Variants in LRRC55 observed in about 807,000 individuals in gnomAD.
LRRC55 encodes leucine-rich repeat-containing protein 55.
A neutral mutation model predicts 20.5 loss-of-function variants in LRRC55; 11 were observed. The observed-to-expected ratio is 0.54, with a 90% CI of 0.34 to 0.89. The LOEUF (loss-of-function observed/expected upper bound fraction) is 0.89, where lower values mean the gene tolerates loss of function less well. Among genes scored for constraint, LRRC55 ranks in the 40% least tolerant of loss-of-function variants. The pLI, the probability that LRRC55 is intolerant of heterozygous loss-of-function variation, is 0.02. For synonymous variants in LRRC55, 188 were observed against 166.6 expected, an observed-to-expected ratio of 1.13 and a Z score of -0.99; for missense variants, 358 against 390.9, an observed-to-expected ratio of 0.92 and a Z score of 0.71.
chr11:57,185,840 G>A (rs951749351), intron 1 of LRRC55, among the ~76,000 whole-genome samples: 1 of 151,924 alleles, frequency 6.6e-6, no homozygotes, highest in Non-Finnish European at 1.5e-5. Flanking sequence ...GACCCCAGAA[G>A]AATGAGATGA....
chr11:57,186,914 G>T (rs1565180620), intron 1 of LRRC55, among the ~76,000 whole-genome samples: 1 of 152,216 alleles, frequency 6.6e-6, no homozygotes. Context: ...CCTGCAGGCT[G>T]AGGACAGACA....
chr11:57,182,691 A>AG lies in LRRC55; in HGVS notation c.661+12dup, dbSNP rs751068725. 4 of 1,488,100 alleles carry AG rather than the reference A, an allele frequency of 2.7e-6. No homozygotes were observed. Among genetic ancestry groups the AG allele is most frequent in the South Asian group, 1.5e-5 (1 of 67,182 alleles). 92.2% of individuals were successfully genotyped at this position (1,488,100 alleles called of 1,614,324 possible). ...TCCAGCGCTGTACAGCAGGTAATAG[A>AG]GGGGCAGAACGGGGCAGTCAACAGG... is the stretch of plus-strand genomic sequence containing the variant. On this transcript the variant is annotated intron_variant, in intron 1 of 1. Transcript: ENST00000497933.
In LRRC55 at chr11:57,182,248, C is replaced by T. The variant is rs575568934; in HGVS notation, c.226C>T (p.Arg76Cys). The change falls in exon 1 of 2, where the codon CGC (arginine) becomes TGC (cysteine). Residue 76 changes from arginine to cysteine, a missense_variant. By Grantham distance (180) the Arg-to-Cys change is radical. Coordinates refer to ENST00000497933, the MANE Select transcript of LRRC55 (RefSeq NM_001005210.4). ...CCGAAACCTCAGCCTGGCCCACAAC[C>T]GCATCACAGCAGTGCCGCCTGGCTA... ...DTRNLSLAHN[R>C]ITAVPPGYLT... The T allele has an allele frequency of 2.2e-5, 36 of 1,614,200 alleles. No individual in the cohort carries two copies. The highest frequency in any genetic ancestry group is 2.7e-5 in the Non-Finnish European group (32 of 1,180,030).
At position 57,182,022 on chromosome 11, in the gene LRRC55, G is replaced by C. The variant is rs756474995; in HGVS notation, c.-1G>C. The C allele has an allele frequency of 6.2e-7, 1 of 1,614,174 alleles. No individual in the cohort carries two copies. The highest frequency in any genetic ancestry group is 1.1e-5 in the South Asian group (1 of 91,086). ...AGCACTGCTGTTGCCTGCTGCCTAAGATGGGTGACACTTGGGCCCAGCTTC... is the reference window on the plus strand; with the variant it reads ...AGCACTGCTGTTGCCTGCTGCCTAACATGGGTGACACTTGGGCCCAGCTTC... On this transcript the variant is annotated 5_prime_UTR_variant, in exon 1 of 2. Transcript: ENST00000497933.
intron 1 of LRRC55, among the ~76,000 whole-genome samples, chr11:57,186,016 T>C (rs774173978): frequency 3.3e-4 from 50 of 151,536 alleles, no homozygotes; most frequent in Non-Finnish European, 5.9e-4. Context: ...TATATTACAT[T>C]AATATGTAGC....
intron 1 of LRRC55, among the ~76,000 whole-genome samples, chr11:57,186,299 T>C (rs1854430460): frequency 6.6e-6 from 1 of 152,172 alleles, no homozygotes; most frequent in African/African-American, 2.4e-5. Context: ...GACTCTTATA[T>C]TCATGTTGTA....
Position 57,187,514 on chromosome 11 carries a change from C to T in LRRC55, c.*34C>T, listed in dbSNP as rs368061373. Reference sequence around the variant, plus strand: ...CCTCTCATCCCTCCATGCTGCTGACCGCCACAGCTGCTGGCCACCAGACGC... The same window carrying T: ...CCTCTCATCCCTCCATGCTGCTGACTGCCACAGCTGCTGGCCACCAGACGC... On this transcript the variant is annotated 3_prime_UTR_variant, in exon 2 of 2. Coordinates refer to ENST00000497933, the MANE Select transcript of LRRC55 (RefSeq NM_001005210.4). 48 of 1,577,502 alleles carry T rather than the reference C, an allele frequency of 3.0e-5. No homozygotes were observed. Among genetic ancestry groups the T allele is most frequent in the African/African-American group, 9.4e-5 (7 of 74,254 alleles).
chr11:57,182,389 A>G lies in LRRC55; in HGVS notation c.367A>G (p.Asn123Asp). The G allele has an allele frequency of 6.2e-7, 1 of 1,613,776 alleles. No individual in the cohort carries two copies. The highest frequency in any genetic ancestry group is 8.5e-7 in the Non-Finnish European group (1 of 1,179,968). Residue 123 changes from asparagine to aspartate, a missense_variant, in exon 1 of 2, where the codon AAC becomes GAC. This residue lies in a region of LRRC55 where 175 missense variants were observed against 164.5 expected (regional missense o/e 1.06). Transcript: ENST00000497933. ...KRLAHLDLSY[N>D]NFSHVPADMF... The stretch of plus-strand genomic sequence containing the variant: ...CTTGGCACACTTGGACCTGAGCTAC[A>G]ACAATTTCAGCCATGTGCCAGCCGA...
rs564296462 is a variant in LRRC55 at position 57,190,774 on chromosome 11, A to AT, written c.*3296dup. ...TGCAAAAGTAATTGCGGTTTTTGCC[A>AT]TTAAAAATGATAGCAAAAATCCCAA... On this transcript the variant is annotated 3_prime_UTR_variant, in exon 2 of 2. Coordinates refer to ENST00000497933, the MANE Select transcript of LRRC55 (RefSeq NM_001005210.4). 1.9e-4 allele frequency: 29 copies of AT among 152,282 alleles called. No homozygotes were observed. The highest frequency in any genetic ancestry group is 3.5e-4 in the Non-Finnish European group (24 of 68,026). The allele number at this position is 152,282 out of a possible 1,614,324, so 9.4% of individuals were successfully genotyped here.
rs749047818 is a variant in LRRC55, at chr11:57,182,040, C to A, written c.18C>A (p.Ala6=). 97 of 1,614,066 alleles carry A rather than the reference C, an allele frequency of 6.0e-5. No individual in the cohort carries two copies. The highest frequency in any genetic ancestry group is 7.6e-5 in the Non-Finnish European group (90 of 1,180,048). ...TGCCTAAGATGGGTGACACTTGGGC[C>A]CAGCTTCCCTGGCCCGGGCCACCCC... MGDTW[A]QLPWPGPPHP... The change falls in exon 1 of 2, where the codon GCC becomes GCA. Residue 6 remains alanine (A), a synonymous_variant. Transcript: ENST00000497933.
In LRRC55 at chr11:57,190,556, T is replaced by A. The variant is rs1854495295; in HGVS notation, c.*3076T>A. On this transcript the variant is annotated 3_prime_UTR_variant, in exon 2 of 2. Transcript: ENST00000497933. ...CTTCATTCAAATTGTCCAAACTGGTTAACATGTATGTGATGGGGTATCTCT... is the reference window on the plus strand; with the variant it reads ...CTTCATTCAAATTGTCCAAACTGGTAAACATGTATGTGATGGGGTATCTCT... 6.6e-6 allele frequency: 1 copy of A among 152,206 alleles called. No individual in the cohort carries two copies. The highest frequency in any genetic ancestry group is 2.4e-5 in the African/African-American group (1 of 41,466). The allele number at this position is 152,206 out of a possible 1,614,324, so 9.4% of individuals were successfully genotyped here.
chr11:57,187,901 G>T lies in LRRC55; in HGVS notation c.*421G>T, dbSNP rs539187188. The T allele has an allele frequency of 2.3e-4, 64 of 279,334 alleles. No individual in the cohort carries two copies. The highest frequency in any genetic ancestry group is 1.4e-3 in the African/African-American group (60 of 43,650). 17.3% of individuals were successfully genotyped at this position (279,334 alleles called of 1,614,324 possible). A position where few individuals can be genotyped will look rare whatever the true frequency, so the allele number is the denominator to read the frequency against. On this transcript the variant is annotated 3_prime_UTR_variant, in exon 2 of 2. Transcript: ENST00000497933. ...TACTTTGTCAGGTAGGCAAAGAAGG[G>T]TGTCTGCACATGGCAGAGGCCAGAA...
intron 1 of LRRC55, among the ~76,000 whole-genome samples, chr11:57,183,175 A>G (rs1854385764): frequency 6.6e-6 from 1 of 152,266 alleles, no homozygotes; most frequent in African/African-American, 2.4e-5. Context: ...TGGCAGGACC[A>G]TGAATAAAAC....
chr11:57,182,634 G>A lies in LRRC55; in HGVS notation c.612G>A (p.Met204Ile). Reference protein sequence around the residue: ...GGNPWVCGCTMEPLLKWLRNR... With the variant: ...GGNPWVCGCTIEPLLKWLRNR... ...ATCCCTGGGTGTGTGGCTGCACCAT[G>A]GAACCCCTGCTGAAGTGGCTGCGAA... Residue 204 changes from methionine (M) to isoleucine (I), a missense_variant, in exon 1 of 2, where the codon ATG becomes ATA. Physicochemically the swap from Met to Ile is conservative, Grantham distance 10. Around this residue, in one of 3 missense-constraint regions of LRRC55, gnomAD observed 178 missense variants for 207.9 expected, o/e 0.86. Coordinates refer to ENST00000497933, the MANE Select transcript of LRRC55 (RefSeq NM_001005210.4). 6.6e-7 allele frequency: 1 copy of A among 1,519,142 alleles called. No individual in the cohort carries two copies. The highest frequency in any genetic ancestry group is 8.8e-7 in the Non-Finnish European group (1 of 1,134,680). The allele number at this position is 1,519,142 out of a possible 1,614,324, so 94.1% of individuals were successfully genotyped here.
intron 1 of LRRC55, 42 bp downstream of exon 1, chr11:57,182,725 G>A (rs751686049): frequency 5.6e-5 from 80 of 1,420,862 alleles, no homozygotes; most frequent in Admixed American, 3.6e-4. Context: ...GGGAGGGCTT[G>A]CCTCAATGGG....
Position 57,187,799 on chromosome 11 carries a change from C to A in LRRC55, c.*319C>A. ...TCATTATGGAGGCCCAGAGGAGGAG[C>A]CATCATCTGTATCTAGCAATGTCCA... is the stretch of plus-strand genomic sequence containing the variant. On this transcript the variant is annotated 3_prime_UTR_variant, in exon 2 of 2. Transcript: ENST00000497933. 1 of 433,752 alleles carries A rather than the reference C, an allele frequency of 2.3e-6. No homozygotes were observed. Among genetic ancestry groups the A allele is most frequent in the Non-Finnish European group, 4.1e-6 (1 of 241,400 alleles). The allele number at this position is 433,752 out of a possible 1,614,324, so 26.9% of individuals were successfully genotyped here. A position where few individuals can be genotyped will look rare whatever the true frequency, so the allele number is the denominator to read the frequency against.
intron 1 of LRRC55, among the ~76,000 whole-genome samples, chr11:57,186,771 G>A (rs552791930): frequency 1.3e-5 from 2 of 152,328 alleles, no homozygotes; most frequent in East Asian, 1.9e-4. Context: ...GGAGCACCTT[G>A]GTTTTTGCTC....
chr11:57,187,798 G>C lies in LRRC55; in HGVS notation c.*318G>C, dbSNP rs934437828. The C allele has an allele frequency of 2.3e-6, 1 of 435,742 alleles. No individual in the cohort carries two copies. Among genetic ancestry groups the C allele is most frequent in the African/African-American group, 2.0e-5 (1 of 49,198 alleles). 27.0% of individuals were successfully genotyped at this position (435,742 alleles called of 1,614,324 possible). A position where few individuals can be genotyped will look rare whatever the true frequency, so the allele number is the denominator to read the frequency against. On this transcript the variant is annotated 3_prime_UTR_variant, in exon 2 of 2. Coordinates refer to ENST00000497933, the MANE Select transcript of LRRC55 (RefSeq NM_001005210.4). ...GTCATTATGGAGGCCCAGAGGAGGA[G>C]CCATCATCTGTATCTAGCAATGTCC...
rs3758922 is a variant in LRRC55 at position 57,190,334 on chromosome 11, A to G, written c.*2854A>G. ...GAACAGGATACATGGCTTTTAAAGGACAGATGTTTCTCCTGCTGCTAGAAG... is the reference window on the plus strand; with the variant it reads ...GAACAGGATACATGGCTTTTAAAGGGCAGATGTTTCTCCTGCTGCTAGAAG... On this transcript the variant is annotated 3_prime_UTR_variant, in exon 2 of 2. Coordinates refer to ENST00000497933, the MANE Select transcript of LRRC55 (RefSeq NM_001005210.4). The G allele has an allele frequency of 0.52, 79,042 of 152,118 alleles. 21,767 individuals are homozygous for G. Among genetic ancestry groups the G allele is most frequent in the East Asian group, 0.8 (4,131 of 5,174 alleles). The allele number at this position is 152,118 out of a possible 1,614,324, so 9.4% of individuals were successfully genotyped here.
Sources: allele counts gnomAD v4.1 joint callset (sites outside exome capture counted in the v4.1 genomes callset), GRCh38; gene constraint gnomAD v4.1.1; regional missense constraint gnomAD v4.1.1; transcripts MANE v1.5; gene names NCBI Gene and HGNC (gene_info 2026-07-23, HGNC 2026-07-21).